PTPRD: variants seen among roughly 807,000 people sequenced by gnomAD.
PTPRD encodes protein tyrosine phosphatase receptor type D.
Under a neutral mutation model 214.5 loss-of-function variants are expected in PTPRD, and 34 were observed. The observed-to-expected ratio is 0.16, with a 90% confidence interval of 0.12 to 0.21. The LOEUF (loss-of-function observed/expected upper bound fraction) is 0.21. Ranked by LOEUF, PTPRD falls within the 10% of genes least tolerant of loss-of-function variation. The pLI is 1.00. For missense variants in PTPRD, 2,545 were observed against 2,398.7 expected (o/e 1.06, Z -1.27); for synonymous variants, 1,128 against 845.7 (o/e 1.33, Z -5.79).
intron 3 of PTPRD, among the ~76,000 whole-genome samples, chr9:10,315,741 GC>G (rs1396907836): frequency 6.6e-6 from 1 of 151,858 alleles, no homozygotes; most frequent in African/African-American, 2.4e-5. Flanking sequence ...ACAGCAATAG[GC>G]CCCATGGAAC....
chr9:9,247,399 G>C (rs1342173505), intron 9 of PTPRD, among the ~76,000 whole-genome samples: 1 of 151,950 alleles, frequency 6.6e-6, no homozygotes, highest in Non-Finnish European at 1.5e-5. Flanking sequence ...TGTCTTTTAA[G>C]TCTTCATTCT....
intron 10 of PTPRD, among the ~76,000 whole-genome samples, chr9:9,019,972 G>A (rs534355735): frequency 6.6e-6 from 1 of 152,146 alleles, no homozygotes; most frequent in South Asian, 2.1e-4. Context: ...TAATTCATTT[G>A]TGTAAATTCC....
intron 8 of PTPRD, among the ~76,000 whole-genome samples, chr9:9,410,621 G>A (rs899975705): frequency 1.3e-5 from 2 of 152,094 alleles, no homozygotes; most frequent in Non-Finnish European, 2.9e-5. Context: ...GCTGGTGGAG[G>A]GAAAAGAGGC....
intron 3 of PTPRD, among the ~76,000 whole-genome samples, chr9:10,169,514 T>A (rs1393163970): frequency 6.7e-6 from 1 of 149,812 alleles, no homozygotes; most frequent in Admixed American, 6.7e-5. Context: ...GGACCACATT[T>A]CTTGTAATGA....
chr9:9,472,918 C>G (rs2094727188), intron 8 of PTPRD, among the ~76,000 whole-genome samples: 2 of 152,136 alleles, frequency 1.3e-5, no homozygotes, highest in South Asian at 4.1e-4. Context: ...GTGTAATAAT[C>G]AAATCAGGAT....
chr9:9,649,488 G>A (rs866824755), intron 7 of PTPRD, among the ~76,000 whole-genome samples: 2 of 152,258 alleles, frequency 1.3e-5, no homozygotes, highest in African/African-American at 2.4e-5. Flanking sequence ...ATCTTAAAAT[G>A]AGAAAGAGTC....
chr9:8,967,041 A>G (rs763018031), intron 11 of PTPRD, among the ~76,000 whole-genome samples: 18 of 152,144 alleles, frequency 1.2e-4, no homozygotes, highest in Non-Finnish European at 2.4e-4. Flanking sequence ...AAACACATAA[A>G]AAAATGCTAT....
chr9:9,236,956 C>A (rs1303797274), intron 9 of PTPRD, among the ~76,000 whole-genome samples: 1 of 152,092 alleles, frequency 6.6e-6, no homozygotes, highest in East Asian at 1.9e-4. Context: ...TCTTTGGAAA[C>A]CTTAGTTAAG....
At chr9:8,665,758 T>C (rs1358155472) in intron 12 of PTPRD, among the ~76,000 whole-genome samples, 12 of 152,338 alleles carry the variant, frequency 7.9e-5, no homozygotes, top group Non-Finnish European at 1.8e-4. Context: ...TCACAGTCCC[T>C]TTGCAAGAAG....
chr9:8,521,842 T>C (rs2097897696), intron 19 of PTPRD, among the ~76,000 whole-genome samples: 1 of 152,094 alleles, frequency 6.6e-6, no homozygotes, highest in African/African-American at 2.4e-5. Flanking sequence ...TACACAAACA[T>C]CATGCATAAG....
At chr9:8,324,175 T>C (rs1438593067) in intron 44 of PTPRD, among the ~76,000 whole-genome samples, 1 of 151,774 alleles carries the variant, frequency 6.6e-6, no homozygotes, top group African/African-American at 2.4e-5. Flanking sequence ...TAGGTATAAA[T>C]GCACCAGGGT....
At chr9:9,432,073 T>TAAG (rs1221507766) in intron 8 of PTPRD, among the ~76,000 whole-genome samples, 4 of 147,546 alleles carry the variant, frequency 2.7e-5, no homozygotes, top group African/African-American at 9.9e-5. Context: ...ATAATAATAA[T>TAAG]AATAATAATA....
intron 11 of PTPRD, among the ~76,000 whole-genome samples, chr9:8,827,260 C>G (rs2097194563): frequency 6.6e-6 from 1 of 152,070 alleles, no homozygotes; most frequent in African/African-American, 2.4e-5. Flanking sequence ...CTAGGGAAAT[C>G]TATGGTAAAT....
chr9:10,591,736 C>G (rs1310813824), intron 2 of PTPRD, among the ~76,000 whole-genome samples: 1 of 152,002 alleles, frequency 6.6e-6, no homozygotes, highest in Non-Finnish European at 1.5e-5. Flanking sequence ...TGTGTGTGGA[C>G]TGTGCTTAGT....
chr9:9,924,154 G>A (rs1268435300), intron 5 of PTPRD, among the ~76,000 whole-genome samples: 1 of 152,008 alleles, frequency 6.6e-6, no homozygotes. Context: ...AACACATTGA[G>A]AGAATAGTGG....
At chr9:9,978,708 TA>T (rs2095443154) in intron 4 of PTPRD, among the ~76,000 whole-genome samples, 1 of 151,318 alleles carries the variant, frequency 6.6e-6, no homozygotes, top group Non-Finnish European at 1.5e-5. Context: ...TTTAGAAAAT[TA>T]AGGAAAGAAA....
In PTPRD at chr9:8,317,229, A is replaced by G. The variant is rs894596901; in HGVS notation, c.*645T>C. 4 of 232,056 alleles carry G rather than the reference A, an allele frequency of 1.7e-5. No homozygotes were observed. The highest frequency in any genetic ancestry group is 8.8e-5 in the African/African-American group (4 of 45,240). The allele number at this position is 232,056 out of a possible 1,614,324, so 14.4% of individuals were successfully genotyped here. ...CAGATAACAGTTCTACAGCTTAAAAAAACCTACGATTTGGAAATAAAAAAA... is the reference window on the plus strand; with the variant it reads ...CAGATAACAGTTCTACAGCTTAAAAGAACCTACGATTTGGAAATAAAAAAA... On this transcript the variant is annotated 3_prime_UTR_variant, in exon 46 of 46. Coordinates refer to ENST00000381196, the MANE Select transcript of PTPRD (RefSeq NM_002839.4).
At chr9:9,330,526 C>T (rs2041909065) in intron 9 of PTPRD, among the ~76,000 whole-genome samples, 1 of 151,936 alleles carries the variant, frequency 6.6e-6, no homozygotes, top group African/African-American at 2.4e-5. Context: ...AATGTGAAAA[C>T]TAATAGTCAT....
intron 20 of PTPRD, among the ~76,000 whole-genome samples, chr9:8,519,306 ATTCT>A (rs1564018133): frequency 6.6e-6 from 1 of 152,188 alleles, no homozygotes; most frequent in African/African-American, 2.4e-5. Flanking sequence ...TAGAGGTCTA[ATTCT>A]TTCTTTTTAG....
Sources: gnomAD v4.1 joint callset for allele counts (sites outside exome capture counted in the v4.1 genomes callset) on GRCh38, gnomAD v4.1.1 for gene constraint, MANE v1.5 for transcripts, NCBI Gene and HGNC (gene_info 2026-07-23, HGNC 2026-07-21) for gene names.